LRRC4C: variants seen among roughly 807,000 people sequenced by gnomAD.
The protein encoded by LRRC4C is leucine-rich repeat-containing protein 4C.
LRRC4C carries 5 observed loss-of-function variants against 33.6 expected under a neutral mutation model. That is an observed-to-expected ratio of 0.15 (90% CI 0.08 to 0.31). The LOEUF (loss-of-function observed/expected upper bound fraction) is 0.31. Among genes scored for constraint, LRRC4C ranks in the 10% least tolerant of loss-of-function variants. The pLI, the probability that LRRC4C is intolerant of heterozygous loss-of-function variation, is 1.00. For missense variants in LRRC4C, 560 were observed against 796.7 expected (o/e 0.70, Z 3.58); for synonymous variants, 329 against 302.0 (o/e 1.09, Z -0.93).
chr11:40,905,594 G>A (rs973608982), intron 2 of LRRC4C, among the ~76,000 whole-genome samples: 7 of 152,054 alleles, frequency 4.6e-5, no homozygotes, highest in East Asian at 1.9e-4. Context: ...AATATTACAC[G>A]TGCTACACAT....
chr11:40,866,340 A>G (rs1222761591), intron 2 of LRRC4C, among the ~76,000 whole-genome samples: 2 of 152,170 alleles, frequency 1.3e-5, no homozygotes, highest in Non-Finnish European at 2.9e-5. Context: ...AAAATGTCAA[A>G]TCTACAAAGT....
At chr11:41,167,413 GC>G (rs1269575361) in intron 1 of LRRC4C, among the ~76,000 whole-genome samples, 1 of 152,100 alleles carries the variant, frequency 6.6e-6, no homozygotes, top group Non-Finnish European at 1.5e-5. Flanking sequence ...ACTGCCTCTG[GC>G]TCCAGCAGAT....
intron 1 of LRRC4C, among the ~76,000 whole-genome samples, chr11:41,263,412 T>C (rs1949047222): frequency 6.6e-6 from 1 of 152,118 alleles, no homozygotes; most frequent in Non-Finnish European, 1.5e-5. Flanking sequence ...GAACATACAA[T>C]TTTTCTCAGT....
intron 1 of LRRC4C, among the ~76,000 whole-genome samples, chr11:41,372,218 A>C (rs1382451844): frequency 6.6e-6 from 1 of 152,242 alleles, no homozygotes; most frequent in African/African-American, 2.4e-5. Flanking sequence ...GAATGTGGCT[A>C]TACAGCCATG....
At chr11:40,625,477 T>G (rs2135977972) in intron 3 of LRRC4C, among the ~76,000 whole-genome samples, 1 of 152,250 alleles carries the variant, frequency 6.6e-6, no homozygotes, top group Non-Finnish European at 1.5e-5. Context: ...CTCTTGAGAC[T>G]TATTCACTAT....
intron 1 of LRRC4C, among the ~76,000 whole-genome samples, chr11:41,376,996 T>C (rs1283955258): frequency 6.6e-6 from 1 of 152,068 alleles, no homozygotes; most frequent in East Asian, 1.9e-4. Flanking sequence ...ATGGGTTAAA[T>C]CTAACATTCC....
intron 1 of LRRC4C, among the ~76,000 whole-genome samples, chr11:41,261,352 C>T (rs1352271378): frequency 6.6e-6 from 1 of 151,980 alleles, no homozygotes; most frequent in African/African-American, 2.4e-5. Context: ...ATAAATGACC[C>T]AGTATAAGGT....
chr11:41,062,901 T>G (rs1250122321), intron 1 of LRRC4C, among the ~76,000 whole-genome samples: 1 of 152,058 alleles, frequency 6.6e-6, no homozygotes, highest in Non-Finnish European at 1.5e-5. Flanking sequence ...AACTATGGCA[T>G]TTCAAGGATT....
At chr11:40,854,235 G>A (rs1953657623) in intron 2 of LRRC4C, among the ~76,000 whole-genome samples, 1 of 152,140 alleles carries the variant, frequency 6.6e-6, no homozygotes, top group Admixed American at 6.6e-5. Context: ...ACAAGGCAGT[G>A]TTATGGAATC....
intron 2 of LRRC4C, among the ~76,000 whole-genome samples, chr11:40,882,939 A>T (rs2136037785): frequency 6.6e-6 from 1 of 152,208 alleles, no homozygotes; most frequent in Non-Finnish European, 1.5e-5. Context: ...AATCAACTAA[A>T]ATTTGCTTCA....
chr11:40,646,691 C>T (rs1942482181), intron 3 of LRRC4C, among the ~76,000 whole-genome samples: 1 of 152,214 alleles, frequency 6.6e-6, no homozygotes, highest in Admixed American at 6.5e-5. Flanking sequence ...ACTGCAAGCT[C>T]CGCCCTCCGG....
intron 5 of LRRC4C, among the ~76,000 whole-genome samples, chr11:40,183,310 T>A (rs1034077572): frequency 3.3e-5 from 5 of 152,158 alleles, no homozygotes; most frequent in African/African-American, 1.2e-4. Context: ...TTTGAGTGCT[T>A]TTTCCTTTGC....
intron 3 of LRRC4C, among the ~76,000 whole-genome samples, chr11:40,329,876 C>T (rs993041243): frequency 4.6e-5 from 7 of 151,374 alleles, no homozygotes; most frequent in Non-Finnish European, 7.4e-5. Context: ...CGAGTAGCTG[C>T]GACTACAGGC....
At chr11:41,028,283 T>C (rs1565314984) in intron 1 of LRRC4C, among the ~76,000 whole-genome samples, 1 of 151,622 alleles carries the variant, frequency 6.6e-6, no homozygotes, top group Non-Finnish European at 1.5e-5. Context: ...AAAAATATTC[T>C]ACAAACATTG....
intron 3 of LRRC4C, among the ~76,000 whole-genome samples, chr11:40,384,120 C>T (rs994429739): frequency 1.1e-4 from 16 of 151,664 alleles, no homozygotes; most frequent in Admixed American, 1.1e-3. Context: ...CACTTGTCTA[C>T]TTTTGCTTTT....
intron 2 of LRRC4C, among the ~76,000 whole-genome samples, chr11:40,912,236 C>T (rs55889560): frequency 0.05 from 7,611 of 152,086 alleles, 255 homozygotes; most frequent in South Asian, 0.14. Context: ...CTCCAAGACA[C>T]ATAATTGTCA....
intron 2 of LRRC4C, among the ~76,000 whole-genome samples, chr11:40,800,784 A>T (rs191535655): frequency 6.6e-6 from 1 of 152,166 alleles, no homozygotes; most frequent in African/African-American, 2.4e-5. Flanking sequence ...AGAAGAAAAA[A>T]AAAGCTTTTT....
rs576196367 is a variant in LRRC4C, at chr11:40,954,798, T to C, written c.-495-21075A>G. 2.6e-5 allele frequency among the ~76,000 whole-genome samples: 4 copies of C among 151,960 alleles called. No homozygotes were observed. In the South Asian group the frequency reaches 6.2e-4, roughly 24 times the overall value. ...GCTTGGCACCACCATTTGCAATTTC[T>C]TCTCTAGCTTAAATATCACTGGAGG... On this transcript the variant is annotated intron_variant, in intron 1 of 6. Transcript: ENST00000528697.
intron 2 of LRRC4C, among the ~76,000 whole-genome samples, chr11:40,910,431 T>C (rs1956617919): frequency 1.3e-5 from 2 of 152,200 alleles, no homozygotes; most frequent in South Asian, 4.1e-4. Flanking sequence ...CTAACACATA[T>C]GCAATGCAGC....
Sources: allele counts gnomAD v4.1 joint callset (sites outside exome capture counted in the v4.1 genomes callset), GRCh38; gene constraint gnomAD v4.1.1; transcripts MANE v1.5; gene names NCBI Gene and HGNC (gene_info 2026-07-23, HGNC 2026-07-21).